The following LDLRAD3 variants were observed in gnomAD, a reference collection of about 807,000 sequenced individuals.
The protein encoded by LDLRAD3 is low density lipoprotein receptor class A domain containing 3, also known as low-density lipoprotein receptor class A domain-containing protein 3.
LDLRAD3 carries 20 observed loss-of-function variants against 29.4 expected under a neutral mutation model. That is an observed-to-expected ratio of 0.68 (90% CI 0.48 to 0.99). The LOEUF (loss-of-function observed/expected upper bound fraction) is 0.99. Among genes scored for constraint, LDLRAD3 ranks in the 50% least tolerant of loss-of-function variants. The pLI, the probability that LDLRAD3 is intolerant of heterozygous loss-of-function variation, is 0.00. For missense variants in LDLRAD3, 420 were observed against 454.3 expected (o/e 0.92, Z 0.69); for synonymous variants, 157 against 192.7 (o/e 0.81, Z 1.53).
intron 4 of LDLRAD3, among the ~76,000 whole-genome samples, chr11:36,226,589 G>A (rs910926292): frequency 9.2e-5 from 14 of 151,354 alleles, no homozygotes; most frequent in South Asian, 2.1e-4. Flanking sequence ...GTGATTTTGC[G>A]GGGGGGAAAT....
At chr11:35,972,672 A>C (rs1851427786) in intron 1 of LDLRAD3, 1 of 152,238 alleles carries the variant, frequency 6.6e-6, no homozygotes, top group Admixed American at 6.5e-5. Flanking sequence ...CATACCATGC[A>C]TCCTATTCTA....
chr11:36,083,916 T>C (rs1419096929), intron 3 of LDLRAD3, among the ~76,000 whole-genome samples: 2 of 152,150 alleles, frequency 1.3e-5, no homozygotes, highest in African/African-American at 4.8e-5. Context: ...GACATTTGTC[T>C]TTAATTTTCT....
intron 4 of LDLRAD3, among the ~76,000 whole-genome samples, chr11:36,162,357 T>C (rs1329056252): frequency 6.6e-6 from 1 of 152,238 alleles, no homozygotes; most frequent in Admixed American, 6.5e-5. Flanking sequence ...CTTGAGTCTC[T>C]AAAGATCGCA....
chr11:36,088,691 C>T (rs935810232), intron 3 of LDLRAD3, among the ~76,000 whole-genome samples: 4 of 152,090 alleles, frequency 2.6e-5, no homozygotes, highest in East Asian at 1.9e-4. Flanking sequence ...GTGGACTAGC[C>T]GAGCTAAAAG....
intron 1 of LDLRAD3, among the ~76,000 whole-genome samples, chr11:36,000,036 G>A (rs1163705127): frequency 6.6e-6 from 1 of 152,110 alleles, no homozygotes; most frequent in Non-Finnish European, 1.5e-5. Context: ...GAAGTGGAAT[G>A]CTATCCAGCA....
chr11:36,128,136 G>GTATATATATATATA (rs1565242649), intron 4 of LDLRAD3, among the ~76,000 whole-genome samples: 6 of 93,952 alleles, frequency 6.4e-5, no homozygotes, highest in Admixed American at 9.9e-5. Flanking sequence ...ATATATATAT[G>GTATATATATATATA]TATATGACAT....
At chr11:35,958,050 T>C (rs965929820) in intron 1 of LDLRAD3, among the ~76,000 whole-genome samples, 3 of 152,166 alleles carry the variant, frequency 2.0e-5, no homozygotes, top group African/African-American at 7.2e-5. Flanking sequence ...AACAAAATGC[T>C]CACTAGTAGG....
chr11:36,139,739 G>A (rs987664001), intron 4 of LDLRAD3, among the ~76,000 whole-genome samples: 2 of 152,182 alleles, frequency 1.3e-5, no homozygotes, highest in Non-Finnish European at 2.9e-5. Context: ...CTGTCTGTCT[G>A]TGGCCTGTGT....
At chr11:36,026,942 G>T (rs1852174562) in intron 1 of LDLRAD3, among the ~76,000 whole-genome samples, 1 of 152,172 alleles carries the variant, frequency 6.6e-6, no homozygotes, top group African/African-American at 2.4e-5. Flanking sequence ...TGCCTATGGA[G>T]TAGGCATTCT....
chr11:36,008,169 G>T (rs1357152897), intron 1 of LDLRAD3, among the ~76,000 whole-genome samples: 2 of 152,138 alleles, frequency 1.3e-5, no homozygotes, highest in Non-Finnish European at 2.9e-5. Context: ...TGTGAGGAGG[G>T]CATATTATTT....
chr11:36,052,856 A>T (rs894513358), intron 2 of LDLRAD3, among the ~76,000 whole-genome samples: 2 of 152,210 alleles, frequency 1.3e-5, no homozygotes, highest in Non-Finnish European at 2.9e-5. Context: ...AAATTAAAGC[A>T]TAAAGAGAAA....
chr11:35,948,559 A>G (rs1851090454), intron 1 of LDLRAD3, among the ~76,000 whole-genome samples: 1 of 152,120 alleles, frequency 6.6e-6, no homozygotes, highest in Non-Finnish European at 1.5e-5. Context: ...AGTACCTTGA[A>G]GATGTTTGCT....
chr11:36,013,577 G>A (rs1851982563), intron 1 of LDLRAD3, among the ~76,000 whole-genome samples: 1 of 151,512 alleles, frequency 6.6e-6, no homozygotes, highest in African/African-American at 2.4e-5. Context: ...CTGTTCCTGT[G>A]TTAGTTTGCC....
chr11:35,978,333 C>T (rs182732019), intron 1 of LDLRAD3, among the ~76,000 whole-genome samples: 2 of 152,336 alleles, frequency 1.3e-5, no homozygotes, highest in Non-Finnish European at 2.9e-5. Flanking sequence ...TCGAGGTGTG[C>T]CTGCCTGCAG....
At chr11:36,217,282 C>A (rs1221478848) in intron 4 of LDLRAD3, among the ~76,000 whole-genome samples, 1 of 151,894 alleles carries the variant, frequency 6.6e-6, no homozygotes, top group African/African-American at 2.4e-5. Context: ...CTGTGGAGTA[C>A]CTGTTGTATT....
intron 3 of LDLRAD3, among the ~76,000 whole-genome samples, chr11:36,094,446 C>T (rs994326163): frequency 5.3e-5 from 8 of 152,216 alleles, no homozygotes; most frequent in East Asian, 1.9e-4. Context: ...ATTTACTATC[C>T]GGCCCTTGAT....
At chr11:35,954,017 A>G (rs1851170210) in intron 1 of LDLRAD3, among the ~76,000 whole-genome samples, 1 of 152,210 alleles carries the variant, frequency 6.6e-6, no homozygotes, top group South Asian at 2.1e-4. Flanking sequence ...TTTGGTATTA[A>G]TGAAAGATAG....
chr11:36,168,498 CTTTTT>C (rs5791083), intron 4 of LDLRAD3, among the ~76,000 whole-genome samples: 6,860 of 115,806 alleles, frequency 0.059, 387 homozygotes, highest in East Asian at 0.36. Context: ...TTTCTTTCTT[CTTTTT>C]TTTTTTTTTT....
intron 2 of LDLRAD3, among the ~76,000 whole-genome samples, chr11:36,044,015 C>T (rs981042184): frequency 6.6e-5 from 10 of 152,134 alleles, no homozygotes; most frequent in Admixed American, 1.3e-4. Flanking sequence ...AATGTCTCAC[C>T]TAATTCCTGG....
Sources: allele counts gnomAD v4.1 joint callset (sites outside exome capture counted in the v4.1 genomes callset), GRCh38; gene constraint gnomAD v4.1.1; transcripts MANE v1.5; gene names NCBI Gene and HGNC (gene_info 2026-07-23, HGNC 2026-07-21).